Variants in UVSSA observed in about 807,000 individuals in gnomAD.
UVSSA encodes UV stimulated scaffold protein A, also known as UV-stimulated scaffold protein A.
A neutral mutation model predicts 73.9 loss-of-function variants in UVSSA; 72 were observed. The observed-to-expected ratio is 0.97, with a 90% CI of 0.81 to 1.19. UVSSA has a LOEUF of 1.19. Among genes scored for constraint, UVSSA ranks in the 50% most tolerant of loss-of-function variants. UVSSA has a pLI of 0.00. For missense variants in UVSSA, 1,150 were observed against 965.0 expected, an observed-to-expected ratio of 1.19 and a Z score of -2.54; for synonymous variants, 454 against 391.3, an observed-to-expected ratio of 1.16 and a Z score of -1.89.
chr4:1,380,302 C>T, intron 11 of UVSSA, 72 bp downstream of exon 11: 1 of 1,512,700 alleles, frequency 6.6e-7, no homozygotes, highest in Non-Finnish European at 8.9e-7. Context: ...GGTGCTGAGC[C>T]CCACCTGCCC....
chr4:1,364,254 TCTGTGGGGG>T, intron 7 of UVSSA, among the ~76,000 whole-genome samples: 1 of 89,256 alleles, frequency 1.1e-5, no homozygotes, highest in Non-Finnish European at 2.4e-5. Context: ...GTGGCCTGGC[TCTGTGGGGG>T]CCACCTCCCG....
chr4:1,342,714 T>C (rs1187865373), upstream of UVSSA, among the ~76,000 whole-genome samples: 2 of 152,244 alleles, frequency 1.3e-5, no homozygotes, highest in African/African-American at 4.8e-5. Flanking sequence ...TTTACTCTAT[T>C]GTTCTAACAC....
chr4:1,365,574 G>T (rs566965324), intron 7 of UVSSA, among the ~76,000 whole-genome samples: 1 of 152,358 alleles, frequency 6.6e-6, no homozygotes, highest in African/African-American at 2.4e-5. Context: ...CTCAGTGAGG[G>T]ATCCCCCCAC....
intron 8 of UVSSA, among the ~76,000 whole-genome samples, chr4:1,369,961 A>G (rs1208981409): frequency 2.0e-5 from 3 of 152,220 alleles, no homozygotes; most frequent in Non-Finnish European, 4.4e-5. Flanking sequence ...TTCTTCCTGA[A>G]AATGCCCTCA....
intron 7 of UVSSA, among the ~76,000 whole-genome samples, chr4:1,355,811 G>C (rs1362241349): frequency 6.6e-6 from 1 of 152,144 alleles, no homozygotes; most frequent in East Asian, 1.9e-4. Flanking sequence ...GCTGGAGGGA[G>C]GTTTGGGGTG....
intron 7 of UVSSA, among the ~76,000 whole-genome samples, chr4:1,365,718 C>T (rs1233523495): frequency 6.6e-6 from 1 of 152,246 alleles, no homozygotes; most frequent in African/African-American, 2.4e-5. Context: ...ACCAGCACCA[C>T]GGGAGAACCC....
Position 1,387,846 on chromosome 4 carries a change from T to A in UVSSA, c.*1885T>A, listed in dbSNP as rs1235081553. On this transcript the variant is annotated 3_prime_UTR_variant, in exon 14 of 14. Coordinates refer to ENST00000389851, the MANE Select transcript of UVSSA (RefSeq NM_020894.4). ...AGTGCCTTGATCAGTGCTGCTTTGTTGTGAGAAGTTTTACTTTGTTCTGCT... is the reference window on the plus strand; with the variant it reads ...AGTGCCTTGATCAGTGCTGCTTTGTAGTGAGAAGTTTTACTTTGTTCTGCT... 6.6e-6 allele frequency: 1 copy of A among 152,204 alleles called. No individual in the cohort carries two copies. Among genetic ancestry groups the A allele is most frequent in the Non-Finnish European group, 1.5e-5 (1 of 68,034 alleles). 9.4% of individuals were successfully genotyped at this position (152,204 alleles called of 1,614,324 possible).
At chr4:1,375,247 G>A in intron 8 of UVSSA, 117 bp from the exon 9 acceptor site, 4 of 1,510,022 alleles carry the variant, frequency 2.6e-6, no homozygotes, top group Non-Finnish European at 3.6e-6. Flanking sequence ...CCCACCTCGG[G>A]ACTGTTGGAA....
At chr4:1,357,063 A>C (rs1715883233) in intron 7 of UVSSA, 1 of 150,432 alleles carries the variant, frequency 6.6e-6, no homozygotes, top group Non-Finnish European at 1.5e-5. Context: ...GGGCCCCTCC[A>C]GCTGGTTATT....
chr4:1,395,908 G>C (rs1720542084), exon 14 of UVSSA: 4 of 1,579,270 alleles, frequency 2.5e-6, no homozygotes, highest in Non-Finnish European at 3.4e-6. Context: ...TTGAATTCAG[G>C]ACTGATTTGT....
chr4:1,349,467 C>T (rs1392117219), intron 2 of UVSSA, 57 bp from the exon 3 acceptor site: 5 of 1,543,596 alleles, frequency 3.2e-6, no homozygotes, highest in African/African-American at 2.7e-5. Context: ...CGGAGAGTCT[C>T]CCCCCGCCCA....
chr4:1,376,584 G>A (rs1560476400), intron 10 of UVSSA, among the ~76,000 whole-genome samples: 1 of 152,282 alleles, frequency 6.6e-6, no homozygotes, highest in South Asian at 2.1e-4. Context: ...CCTCAGGCGG[G>A]GGCTCTGCAA....
At chr4:1,344,499 C>T (rs1458039375), upstream of UVSSA, among the ~76,000 whole-genome samples, 2 of 151,852 alleles carry the variant, frequency 1.3e-5, no homozygotes, top group African/African-American at 2.4e-5. Flanking sequence ...TGCAGTGAGC[C>T]GAGATCACAC....
chr4:1,345,011 G>A (rs1457784042), upstream of UVSSA, among the ~76,000 whole-genome samples: 1 of 152,204 alleles, frequency 6.6e-6, no homozygotes, highest in Non-Finnish European at 1.5e-5. Flanking sequence ...CACAGGCCAC[G>A]ACAGGTTTTG....
intron 2 of UVSSA, 93 bp from the exon 3 acceptor site, chr4:1,349,431 C>A: frequency 8.0e-7 from 1 of 1,251,056 alleles, no homozygotes; most frequent in Non-Finnish European, 1.1e-6. Flanking sequence ...GTGGTCCCTG[C>A]CACACGTGCG....
rs575525171 is a variant in UVSSA, at chr4:1,377,134, C to CG, written c.1568+973dup. Among the ~76,000 whole-genome samples the CG allele has an allele frequency of 3.5e-3, 525 of 152,130 alleles. 3 individuals carry two copies. The highest frequency in any genetic ancestry group is 0.012 in the African/African-American group (482 of 41,480). On this transcript the variant is annotated intron_variant, in intron 10 of 13. Coordinates refer to ENST00000389851, the MANE Select transcript of UVSSA (RefSeq NM_020894.4). Reference sequence around the variant, plus strand: ...GGCTGATGTCAGAACCTCCAGAGAGCGGGGGGGCAGGGGAGCCGGGCAAGG... The same window carrying CG: ...GGCTGATGTCAGAACCTCCAGAGAGCGGGGGGGGCAGGGGAGCCGGGCAAGG...
chr4:1,369,724 A>G (rs920626400), intron 8 of UVSSA, among the ~76,000 whole-genome samples: 1 of 152,212 alleles, frequency 6.6e-6, no homozygotes, highest in African/African-American at 2.4e-5. Flanking sequence ...TCCGTTTCCT[A>G]CCATCGATTC....
At chr4:1,362,729 G>A (rs1156869988) in intron 7 of UVSSA, among the ~76,000 whole-genome samples, 1 of 152,198 alleles carries the variant, frequency 6.6e-6, no homozygotes, top group Non-Finnish European at 1.5e-5. Flanking sequence ...TTGATGATTT[G>A]ACTTCTTAGA....
At chr4:1,375,242 C>G in intron 8 of UVSSA, 122 bp from the exon 9 acceptor site, 3 of 1,499,282 alleles carry the variant, frequency 2.0e-6, no homozygotes, top group Admixed American at 3.6e-5. Context: ...AGGCACCCAC[C>G]TCGGGACTGT....
Sources: allele counts gnomAD v4.1 joint callset (sites outside exome capture counted in the v4.1 genomes callset), GRCh38; gene constraint gnomAD v4.1.1; transcripts MANE v1.5; gene names NCBI Gene and HGNC (gene_info 2026-07-23, HGNC 2026-07-21).